The following TENM2 variants were observed in gnomAD, a reference collection of about 807,000 sequenced individuals.
TENM2 encodes teneurin transmembrane protein 2.
Under a neutral mutation model 245.2 loss-of-function variants are expected in TENM2, and 52 were observed. The ratio of observed to expected loss-of-function variants is 0.21; its 90% CI spans 0.17 to 0.27. The LOEUF (loss-of-function observed/expected upper bound fraction) is 0.27, where lower values mean the gene tolerates loss of function less well. Among genes scored for constraint, TENM2 ranks in the 10% least tolerant of loss-of-function variants. TENM2 has a pLI of 1.00. For missense variants in TENM2, 3,046 were observed against 3,666.8 expected, an observed-to-expected ratio of 0.83 and a Z score of 4.37; for synonymous variants, 1,363 against 1,438.9, an observed-to-expected ratio of 0.95 and a Z score of 1.19.
At chr5:167,960,328 G>A (rs920615823) in intron 4 of TENM2, among the ~76,000 whole-genome samples, 1 of 152,188 alleles carries the variant, frequency 6.6e-6, no homozygotes, top group African/African-American at 2.4e-5. Context: ...CTGTCCCAGG[G>A]AGACGGGAGT....
intron 2 of TENM2, among the ~76,000 whole-genome samples, chr5:167,380,897 T>G (rs1234637317): frequency 6.6e-6 from 1 of 152,206 alleles, no homozygotes. Context: ...TTCAGTCATT[T>G]TTTTAAGTTT....
At chr5:167,207,696 G>T in the TENM2 span, among the ~76,000 whole-genome samples, 1 of 152,274 alleles carries the variant, frequency 6.6e-6, no homozygotes, top group South Asian at 2.1e-4. Flanking sequence ...GAGACAGCGT[G>T]CATGAGAGGG....
the TENM2 span, among the ~76,000 whole-genome samples, chr5:167,117,044 G>A: frequency 6.6e-6 from 1 of 152,230 alleles, no homozygotes; most frequent in Non-Finnish European, 1.5e-5. Flanking sequence ...AGATACTGCA[G>A]ATGAGAACTC....
chr5:167,148,671 T>C, the TENM2 span, among the ~76,000 whole-genome samples: 1 of 152,222 alleles, frequency 6.6e-6, no homozygotes, highest in Admixed American at 6.5e-5. Flanking sequence ...TTAGAAAGAC[T>C]CATGAAATCG....
chr5:167,440,416 AG>A (rs1281891473), intron 2 of TENM2, among the ~76,000 whole-genome samples: 1 of 152,188 alleles, frequency 6.6e-6, no homozygotes, highest in Non-Finnish European at 1.5e-5. Context: ...CGCATTGAAA[AG>A]GATTATGAAG....
the TENM2 span, among the ~76,000 whole-genome samples, chr5:167,065,677 G>T: frequency 6.6e-6 from 1 of 152,202 alleles, no homozygotes; most frequent in Non-Finnish European, 1.5e-5. Context: ...TTAATGCAAA[G>T]ATAGGAATCA....
intron 14 of TENM2, among the ~76,000 whole-genome samples, chr5:168,192,111 T>G (rs938721168): frequency 1.3e-5 from 2 of 152,222 alleles, no homozygotes; most frequent in Non-Finnish European, 2.9e-5. Context: ...TTTTCTTGAT[T>G]AATAAAATTA....
the TENM2 span, among the ~76,000 whole-genome samples, chr5:167,192,384 T>C: frequency 6.6e-6 from 1 of 152,210 alleles, no homozygotes; most frequent in African/African-American, 2.4e-5. Flanking sequence ...CAAAGCATGG[T>C]GTGGAAACCT....
intron 2 of TENM2, among the ~76,000 whole-genome samples, chr5:167,589,181 G>A (rs1002353897): frequency 1.4e-5 from 2 of 141,718 alleles, no homozygotes; most frequent in African/African-American, 2.7e-5. Context: ...CAGCCTGGGC[G>A]ACAGAGGGAG....
intron 2 of TENM2, among the ~76,000 whole-genome samples, chr5:167,427,426 C>G (rs1763898571): frequency 6.6e-6 from 1 of 151,084 alleles, no homozygotes; most frequent in African/African-American, 2.4e-5. Context: ...GCACTCTGGC[C>G]TGGGTGACAA....
chr5:167,483,876 A>C (rs900859044), intron 2 of TENM2, among the ~76,000 whole-genome samples: 2 of 152,232 alleles, frequency 1.3e-5, no homozygotes, highest in Admixed American at 1.3e-4. Flanking sequence ...CAAGGCAGGA[A>C]GACAGAGTAC....
At chr5:167,802,708 A>G (rs1450487849) in intron 2 of TENM2, among the ~76,000 whole-genome samples, 1 of 152,162 alleles carries the variant, frequency 6.6e-6, no homozygotes, top group African/African-American at 2.4e-5. Context: ...TGCAGCTTCT[A>G]CTAGTAGGCT....
At chr5:167,936,234 G>T (rs1157571075) in intron 3 of TENM2, among the ~76,000 whole-genome samples, 1 of 152,212 alleles carries the variant, frequency 6.6e-6, no homozygotes, top group Non-Finnish European at 1.5e-5. Context: ...GTTATGGATT[G>T]TGCTGAGTGT....
the TENM2 span, among the ~76,000 whole-genome samples, chr5:167,238,719 T>C: frequency 1.8e-5 from 2 of 108,334 alleles, no homozygotes; most frequent in Non-Finnish European, 1.9e-5. Flanking sequence ...AAAAAGCAAA[T>C]AAAATAGTAA....
At chr5:167,050,849 G>A in the TENM2 span, among the ~76,000 whole-genome samples, 963 of 152,216 alleles carry the variant, frequency 6.3e-3, 3 homozygotes, top group Middle Eastern at 0.017. Context: ...AATTGGATGA[G>A]GATTGACAAT....
At chr5:168,237,731 T>TATATTAAATTTATATTTAATTATTA (rs1554230096) in intron 25 of TENM2, among the ~76,000 whole-genome samples, 6 of 151,704 alleles carry the variant, frequency 4.0e-5, no homozygotes, top group Admixed American at 3.9e-4. Flanking sequence ...ATTTAATTAT[T>TATATTAAATTTATATTTAATTATTA]ATATTAAATT....
At chr5:167,728,505 G>GAGGCTA (rs1760189385) in intron 2 of TENM2, among the ~76,000 whole-genome samples, 1 of 45,516 alleles carries the variant, frequency 2.2e-5, no homozygotes, top group African/African-American at 2.2e-4. Flanking sequence ...AACTACTCAG[G>GAGGCTA]AGGCAGGAGG....
chr5:168,115,408 G>GGAGA (rs1458782856), intron 9 of TENM2, among the ~76,000 whole-genome samples: 1 of 122,874 alleles, frequency 8.1e-6, no homozygotes, highest in Non-Finnish European at 1.7e-5. Flanking sequence ...AAGGAAGGAA[G>GGAGA]GGAAAGGAAA....
chr5:167,089,012 T>TG, the TENM2 span, among the ~76,000 whole-genome samples: 2 of 152,236 alleles, frequency 1.3e-5, no homozygotes, highest in Non-Finnish European at 2.9e-5. Context: ...TAGTGAGACC[T>TG]GATAATCACA....
Sources: allele counts gnomAD v4.1 joint callset (sites outside exome capture counted in the v4.1 genomes callset), GRCh38; gene constraint gnomAD v4.1.1; transcripts MANE v1.5; gene names NCBI Gene and HGNC (gene_info 2026-07-23, HGNC 2026-07-21).